Variants in LANCL1 observed in about 807,000 individuals in gnomAD.
LANCL1 encodes the protein LanC like glutathione S-transferase 1.
A neutral mutation model predicts 50.6 loss-of-function variants in LANCL1; 50 were observed. That is an observed-to-expected ratio of 0.99 (90% CI 0.79 to 1.25). The LOEUF (loss-of-function observed/expected upper bound fraction) is 1.25. Among genes scored for constraint, LANCL1 ranks in the 50% most tolerant of loss-of-function variants. The pLI, the probability that LANCL1 is intolerant of heterozygous loss-of-function variation, is 0.00. For synonymous variants in LANCL1, 188 were observed against 178.6 expected (o/e 1.05, Z -0.42); for missense variants, 532 against 480.7 (o/e 1.11, Z -1.00).
At chr2:210,476,515 G>A in intron 1 of LANCL1, 103 bp from the exon 2 acceptor site, 1 of 1,420,614 alleles carries the variant, frequency 7.0e-7, no homozygotes, top group Non-Finnish European at 9.3e-7. Context: ...CCAGCTCCAG[G>A]GCCATCGAGC....
chr2:210,439,957 G>T (rs1693074670), intron 6 of LANCL1, among the ~76,000 whole-genome samples: 1 of 152,138 alleles, frequency 6.6e-6, no homozygotes, highest in Admixed American at 6.6e-5. Flanking sequence ...AGCTTCGTAA[G>T]TCTCCCAAAA....
chr2:210,458,720 C>A (rs1466739737), intron 3 of LANCL1, among the ~76,000 whole-genome samples: 2 of 152,034 alleles, frequency 1.3e-5, no homozygotes, highest in Non-Finnish European at 2.9e-5. Context: ...GATGGCAAAC[C>A]CCTCTGTTGG....
intron 8 of LANCL1, 68 bp downstream of exon 8, chr2:210,436,148 C>T (rs886326732): frequency 3.5e-6 from 5 of 1,409,086 alleles, no homozygotes; most frequent in African/African-American, 1.4e-5. Context: ...GCCTCAGCCT[C>T]CCAAAGTGCT....
Position 210,440,589 on chromosome 2 carries a change from A to C in LANCL1, c.690+9T>G, listed in dbSNP as rs1574415517. 1 of 1,601,266 alleles carries C rather than the reference A, an allele frequency of 6.2e-7. No homozygotes were observed. The highest frequency in any genetic ancestry group is 8.5e-7 in the Non-Finnish European group (1 of 1,175,280). On this transcript the variant is annotated intron_variant, in intron 6 of 9. Coordinates refer to ENST00000450366, the MANE Select transcript of LANCL1 (RefSeq NM_006055.3). ...GACATTTTAAAATTTCACCATAATCACTCCTTACCTGCATCAGGTAGTAAT... is the reference window on the plus strand; with the variant it reads ...GACATTTTAAAATTTCACCATAATCCCTCCTTACCTGCATCAGGTAGTAAT...
intron 4 of LANCL1, among the ~76,000 whole-genome samples, chr2:210,445,349 G>T (rs1693287236): frequency 6.6e-6 from 1 of 152,062 alleles, no homozygotes; most frequent in South Asian, 2.1e-4. Context: ...CATTTACTTT[G>T]CAGCCAAACA....
chr2:210,453,967 T>C (rs1166418773), intron 4 of LANCL1, among the ~76,000 whole-genome samples: 1 of 152,114 alleles, frequency 6.6e-6, no homozygotes, highest in Non-Finnish European at 1.5e-5. Context: ...CACTAAGTAA[T>C]GTGTTTTTAA....
At chr2:210,452,225 T>G (rs193086684) in intron 4 of LANCL1, among the ~76,000 whole-genome samples, 84 of 150,444 alleles carry the variant, frequency 5.6e-4, no homozygotes, top group African/African-American at 2.0e-3. Flanking sequence ...ATCCCTTTTC[T>G]GCTTATTAAA....
chr2:210,468,665 C>G (rs748213027), intron 3 of LANCL1: 1 of 152,192 alleles, frequency 6.6e-6, no homozygotes, highest in Non-Finnish European at 1.5e-5. Context: ...TTCTTCTTTG[C>G]CTCTTCTTCC....
intron 4 of LANCL1, among the ~76,000 whole-genome samples, chr2:210,454,317 T>C (rs1693601691): frequency 6.6e-6 from 1 of 151,910 alleles, no homozygotes; most frequent in Admixed American, 6.6e-5. Flanking sequence ...CTATGATATC[T>C]TAAAAAGTCC....
intron 4 of LANCL1, among the ~76,000 whole-genome samples, chr2:210,441,773 T>C (rs1172668465): frequency 1.3e-5 from 2 of 152,314 alleles, no homozygotes; most frequent in Middle Eastern, 3.4e-3. Context: ...TGCTGGCTTT[T>C]AGGGCATTTA....
At chr2:210,472,483 A>G (rs1694253604) in intron 2 of LANCL1, among the ~76,000 whole-genome samples, 1 of 152,218 alleles carries the variant, frequency 6.6e-6, no homozygotes, top group Admixed American at 6.5e-5. Context: ...TAAATTCCCT[A>G]AAGAAACATC....
At chr2:210,465,626 C>G (rs1009299243) in intron 3 of LANCL1, among the ~76,000 whole-genome samples, 10 of 151,986 alleles carry the variant, frequency 6.6e-5, no homozygotes, top group Non-Finnish European at 1.2e-4. Flanking sequence ...TTCAAGAAAA[C>G]GTGAAGTCAA....
At chr2:210,453,629 C>A (rs1693574802) in intron 4 of LANCL1, among the ~76,000 whole-genome samples, 1 of 152,136 alleles carries the variant, frequency 6.6e-6, no homozygotes, top group Non-Finnish European at 1.5e-5. Flanking sequence ...GGGAGCACTA[C>A]AATTTATCTG....
chr2:210,439,533 G>A (rs1262387463), intron 6 of LANCL1, among the ~76,000 whole-genome samples: 1 of 152,192 alleles, frequency 6.6e-6, no homozygotes, highest in Non-Finnish European at 1.5e-5. Context: ...GGAATAGAGA[G>A]GAAGACATGC....
rs1373594487 is a variant in LANCL1, at chr2:210,450,964, C to A, written c.407+4143G>T. On this transcript the variant is annotated intron_variant, in intron 4 of 9. Coordinates refer to ENST00000450366, the MANE Select transcript of LANCL1 (RefSeq NM_006055.3). ...AGAGCCAGAAATACCATTTGACCAGCAATTCCATTACTGGGTATACACCCA... is the reference window on the plus strand; with the variant it reads ...AGAGCCAGAAATACCATTTGACCAGAAATTCCATTACTGGGTATACACCCA... Among the ~76,000 whole-genome samples, 3 of 152,134 alleles carry A rather than the reference C, an allele frequency of 2.0e-5. No individual in the cohort carries two copies. In the East Asian group the frequency reaches 5.8e-4, roughly 29 times the overall value.
chr2:210,471,266 T>TG (rs1159104309), intron 3 of LANCL1, among the ~76,000 whole-genome samples: 1 of 145,754 alleles, frequency 6.9e-6, no homozygotes, highest in Non-Finnish European at 1.5e-5. Flanking sequence ...AGGATGGTCT[T>TG]GATCTCTTGA....
intron 8 of LANCL1, 121 bp from the exon 9 acceptor site, chr2:210,435,580 G>T: frequency 1.4e-6 from 1 of 740,104 alleles, no homozygotes; most frequent in South Asian, 1.5e-5. Context: ...ATCAGAGAAA[G>T]GAGATTAATG....
At chr2:210,473,865 A>AAT (rs1694287581) in intron 2 of LANCL1, among the ~76,000 whole-genome samples, 1 of 152,254 alleles carries the variant, frequency 6.6e-6, no homozygotes, top group Non-Finnish European at 1.5e-5. Context: ...TAGACTTGAA[A>AAT]ATACATTTAG....
At chr2:210,465,792 G>A (rs1441058997) in intron 3 of LANCL1, among the ~76,000 whole-genome samples, 2 of 152,154 alleles carry the variant, frequency 1.3e-5, no homozygotes, top group Non-Finnish European at 2.9e-5. Context: ...CAAGTTCCCA[G>A]GTACGATGAA....
Sources: gnomAD v4.1 joint callset for allele counts (sites outside exome capture counted in the v4.1 genomes callset) on GRCh38, gnomAD v4.1.1 for gene constraint, MANE v1.5 for transcripts, NCBI Gene and HGNC (gene_info 2026-07-23, HGNC 2026-07-21) for gene names.